Variants in CHLSN observed in about 807,000 individuals in gnomAD.
CHLSN encodes the protein protein cholesin.
the CHLSN span, chr7:1,021,237 G>T: frequency 3.1e-6 from 1 of 320,108 alleles, no homozygotes; most frequent in Non-Finnish European, 4.5e-6. Flanking sequence ...CCCCCAGGTT[G>T]GGAACCTCCA....
the CHLSN span, chr7:983,098 A>G: frequency 1.4e-5 from 12 of 872,518 alleles, no homozygotes; most frequent in African/African-American, 2.2e-4. Context: ...CTCGTTCCAC[A>G]TTCTCGGGGT....
chr7:1,016,929 GCAGCACACGC>G, the CHLSN span, among the ~76,000 whole-genome samples: 24,208 of 100,992 alleles, frequency 0.24, 4,506 homozygotes, highest in Admixed American at 0.31. Context: ...GCAGCACACA[GCAGCACACGC>G]CAGCACACGC....
the CHLSN span, chr7:1,057,378 CTG>C: frequency 5.0e-6 from 3 of 599,610 alleles, no homozygotes; most frequent in Admixed American, 8.8e-5. Context: ...CAGCCTCGCT[CTG>C]TGGTCTGCAG....
the CHLSN span, chr7:988,174 G>C: frequency 7.5e-7 from 1 of 1,334,292 alleles, no homozygotes; most frequent in Non-Finnish European, 1.0e-6. Context: ...CACCAGGTGT[G>C]GTGGGTGTGG....
chr7:1,011,023 G>C, the CHLSN span, among the ~76,000 whole-genome samples: 1 of 151,530 alleles, frequency 6.6e-6, no homozygotes, highest in East Asian at 1.9e-4. Context: ...GAGCAAAGAA[G>C]AGTGAGGCAA....
At chr7:979,094 T>G in the CHLSN span, among the ~76,000 whole-genome samples, 7 of 152,342 alleles carry the variant, frequency 4.6e-5, no homozygotes, top group Non-Finnish European at 7.4e-5. Context: ...CATCACTGTT[T>G]GGGATCCAGC....
At chr7:1,092,027 A>C in the CHLSN span, 1 of 1,613,956 alleles carries the variant, frequency 6.2e-7, no homozygotes, top group East Asian at 2.2e-5. Flanking sequence ...TACTTCATCA[A>C]CCTGGCGGTG....
the CHLSN span, among the ~76,000 whole-genome samples, chr7:1,090,635 C>A: frequency 6.6e-6 from 1 of 152,048 alleles, no homozygotes; most frequent in East Asian, 1.9e-4. Flanking sequence ...GGTGACGGGA[C>A]CCTCCCCACT....
the CHLSN span, chr7:987,349 C>T: frequency 1.8e-5 from 28 of 1,575,644 alleles, no homozygotes; most frequent in South Asian, 5.6e-5. Context: ...TGCCCCAGGC[C>T]GGGTGCAGGA....
chr7:1,096,402 C>CT, the CHLSN span, among the ~76,000 whole-genome samples: 1 of 152,224 alleles, frequency 6.6e-6, no homozygotes, highest in African/African-American at 2.4e-5. This position sits in a 1 kb window ranked among gnomAD's most constrained non-coding sequence, Gnocchi z 4.6. Flanking sequence ...TAGAGCCAGC[C>CT]TTGGACCCTG....
the CHLSN span, among the ~76,000 whole-genome samples, chr7:1,008,875 G>C: frequency 1.6e-5 from 2 of 126,128 alleles, no homozygotes; most frequent in Middle Eastern, 4.0e-3. Flanking sequence ...ACACGTGTAC[G>C]CAACACTCGT....
At chr7:1,009,571 G>A in the CHLSN span, among the ~76,000 whole-genome samples, 3 of 152,172 alleles carry the variant, frequency 2.0e-5, no homozygotes, top group African/African-American at 7.2e-5. Context: ...GGCGCCTCCT[G>A]TCACTGTGAG....
chr7:1,057,309 C>T, the CHLSN span, among the ~76,000 whole-genome samples: 3 of 152,196 alleles, frequency 2.0e-5, no homozygotes, highest in East Asian at 1.9e-4. Context: ...CCCCCGGTCA[C>T]GACCCGAGAC....
chr7:1,066,338 G>A, the CHLSN span, among the ~76,000 whole-genome samples: 2 of 152,232 alleles, frequency 1.3e-5, no homozygotes, highest in African/African-American at 2.4e-5. Context: ...CCTGGACGCC[G>A]CCTAGCAGAT....
chr7:1,052,754 C>T, the CHLSN span, among the ~76,000 whole-genome samples: 54 of 152,108 alleles, frequency 3.6e-4, no homozygotes, highest in Middle Eastern at 3.4e-3. The surrounding 1 kb of genome is among the most constrained non-coding windows in gnomAD (Gnocchi z 4.2). Context: ...CAGAGTGAAA[C>T]GGGTGACTGG....
chr7:1,061,976 T>C, the CHLSN span, among the ~76,000 whole-genome samples: 1 of 152,124 alleles, frequency 6.6e-6, no homozygotes, highest in Non-Finnish European at 1.5e-5. Flanking sequence ...TCTCTCCAAC[T>C]GCTTAATTCT....
chr7:1,103,327 T>G, the CHLSN span, among the ~76,000 whole-genome samples: 1 of 152,180 alleles, frequency 6.6e-6, no homozygotes, highest in Non-Finnish European at 1.5e-5. Context: ...AAGTGGCTAC[T>G]GGAGAAAAAC....
At chr7:1,018,583 C>T in the CHLSN span, among the ~76,000 whole-genome samples, 5 of 150,550 alleles carry the variant, frequency 3.3e-5, no homozygotes, top group South Asian at 2.1e-4. Flanking sequence ...GAGGTGTGCA[C>T]GCGGGCGGGT....
chr7:1,093,289 C>G, the CHLSN span: 1 of 431,858 alleles, frequency 2.3e-6, no homozygotes, highest in Non-Finnish European at 4.9e-6. Flanking sequence ...CGTGGGGGAA[C>G]TGACGCTGGA....
Sources: gnomAD v4.1 joint callset for allele counts (sites outside exome capture counted in the v4.1 genomes callset) on GRCh38, gnomAD v4.1.1 for gene constraint, Gnocchi (gnomAD v3.1) non-coding constraint, MANE v1.5 for transcripts, NCBI Gene and HGNC (gene_info 2026-07-23, HGNC 2026-07-21) for gene names.